TNFSF4: variants seen among roughly 807,000 people sequenced by gnomAD.
TNFSF4 encodes the protein tumor necrosis factor ligand superfamily member 4.
In TNFSF4, 4 loss-of-function variants were observed where a neutral mutation model predicts 7.3. That is an observed-to-expected ratio of 0.55 (90% CI 0.27 to 1.25). The LOEUF is 1.25. TNFSF4 is among the 50% of genes most tolerant of loss of function. The pLI is 0.12. For missense variants in TNFSF4, 181 were observed against 208.8 expected (o/e 0.87, Z 0.82); for synonymous variants, 76 against 83.7 (o/e 0.91, Z 0.50).
At chr1:173,230,273 A>G in the TNFSF4 span, among the ~76,000 whole-genome samples, 5 of 152,232 alleles carry the variant, frequency 3.3e-5, no homozygotes, top group Non-Finnish European at 7.3e-5. Flanking sequence ...GGATTAAGAA[A>G]CTCACTCAAA....
the TNFSF4 span, among the ~76,000 whole-genome samples, chr1:173,243,607 C>A: frequency 3.3e-5 from 5 of 152,212 alleles, no homozygotes; most frequent in African/African-American, 1.2e-4. Flanking sequence ...CATGAAAAAG[C>A]TAGTCACAAC....
the TNFSF4 span, among the ~76,000 whole-genome samples, chr1:173,360,178 GT>G: frequency 6.6e-6 from 1 of 152,174 alleles, no homozygotes; most frequent in African/African-American, 2.4e-5. Flanking sequence ...CATCTCCTTT[GT>G]TTGGATGCTT....
At chr1:173,339,139 C>A in the TNFSF4 span, among the ~76,000 whole-genome samples, 2 of 152,102 alleles carry the variant, frequency 1.3e-5, no homozygotes, top group African/African-American at 2.4e-5. Flanking sequence ...CGCTTGTAAT[C>A]CCAACACTTC....
chr1:173,292,912 T>C, the TNFSF4 span, among the ~76,000 whole-genome samples: 14,426 of 151,638 alleles, frequency 0.095, 804 homozygotes, highest in Middle Eastern at 0.12. Context: ...AAAAATAAAA[T>C]ACCAAGAAAT....
the TNFSF4 span, among the ~76,000 whole-genome samples, chr1:173,339,478 A>T: frequency 6.6e-6 from 1 of 152,198 alleles, no homozygotes; most frequent in Non-Finnish European, 1.5e-5. Context: ...TGACAATGTG[A>T]TGTTACAGAA....
the TNFSF4 span, chr1:173,363,628 G>C: frequency 1.7e-5 from 7 of 406,998 alleles, no homozygotes; most frequent in East Asian, 4.1e-4. Context: ...AGGCTTATCG[G>C]ATGGATGTAC....
the TNFSF4 span, among the ~76,000 whole-genome samples, chr1:173,382,898 AC>A: frequency 5.9e-5 from 9 of 151,784 alleles, no homozygotes; most frequent in Admixed American, 1.3e-4. Flanking sequence ...ACACACACAC[AC>A]ACACACACAC....
At chr1:173,214,240 T>A in the TNFSF4 span, among the ~76,000 whole-genome samples, 1 of 152,190 alleles carries the variant, frequency 6.6e-6, no homozygotes. Flanking sequence ...CTTAGAGAGA[T>A]GAACTAACTT....
At position 173,185,241 on chromosome 1, in the gene TNFSF4, A is replaced by G. The variant is rs1436203197; in HGVS notation, c.*1275T>C. 1.3e-5 allele frequency: 2 copies of G among 152,246 alleles called. No homozygotes were observed. The highest frequency in any genetic ancestry group is 2.9e-5 in the Non-Finnish European group (2 of 68,046). The allele number at this position is 152,246 out of a possible 1,614,324, so 9.4% of individuals were successfully genotyped here. On this transcript the variant is annotated 3_prime_UTR_variant, in exon 3 of 3. Coordinates refer to ENST00000281834, the MANE Select transcript of TNFSF4 (RefSeq NM_003326.5). ...TTTATGTTTATAAAAGGTTTGGCAC[A>G]GAGAAGTTACAAATCATCTGGAAAG...
At chr1:173,331,960 T>C in the TNFSF4 span, among the ~76,000 whole-genome samples, 1 of 152,202 alleles carries the variant, frequency 6.6e-6, no homozygotes, top group Non-Finnish European at 1.5e-5. Context: ...GTGCAGGTGC[T>C]ACTTGGCATC....
At chr1:173,346,158 C>T in the TNFSF4 span, among the ~76,000 whole-genome samples, 1 of 152,190 alleles carries the variant, frequency 6.6e-6, no homozygotes, top group Non-Finnish European at 1.5e-5. Context: ...ATGATTCGCT[C>T]ATCCCCACCC....
the TNFSF4 span, among the ~76,000 whole-genome samples, chr1:173,238,370 G>A: frequency 6.6e-6 from 1 of 152,120 alleles, no homozygotes; most frequent in East Asian, 1.9e-4. Context: ...AATGCCAAAA[G>A]CAATTGCAAT....
At chr1:173,243,704 G>C in the TNFSF4 span, among the ~76,000 whole-genome samples, 2 of 152,106 alleles carry the variant, frequency 1.3e-5, no homozygotes, top group East Asian at 3.8e-4. Context: ...CATGCCTACT[G>C]ATCAACACAC....
chr1:173,300,137 A>T, the TNFSF4 span, among the ~76,000 whole-genome samples: 1 of 141,196 alleles, frequency 7.1e-6, no homozygotes, highest in African/African-American at 2.6e-5. Context: ...ATAGATAGAT[A>T]GATAATAAAT....
chr1:173,322,986 C>T, the TNFSF4 span, among the ~76,000 whole-genome samples: 1 of 152,208 alleles, frequency 6.6e-6, no homozygotes, highest in African/African-American at 2.4e-5. Context: ...CAACAGGCAG[C>T]AGAATCCTCT....
At chr1:173,316,834 G>C in the TNFSF4 span, among the ~76,000 whole-genome samples, 1 of 151,994 alleles carries the variant, frequency 6.6e-6, no homozygotes, top group South Asian at 2.1e-4. Context: ...CTAGACAAAA[G>C]AAATTTTTAC....
the TNFSF4 span, among the ~76,000 whole-genome samples, chr1:173,406,491 G>A: frequency 6.6e-6 from 1 of 151,986 alleles, no homozygotes; most frequent in Non-Finnish European, 1.5e-5. Context: ...TAACTTCCAT[G>A]AGTCCTAGGC....
intron 1 of TNFSF4, among the ~76,000 whole-genome samples, chr1:173,200,503 T>C (rs562704070): frequency 4.6e-5 from 7 of 152,346 alleles, no homozygotes; most frequent in Non-Finnish European, 8.8e-5. Flanking sequence ...TTAATATGCA[T>C]GGGGGTCTTA....
the TNFSF4 span, among the ~76,000 whole-genome samples, chr1:173,374,721 G>A: frequency 3.3e-5 from 5 of 152,110 alleles, no homozygotes; most frequent in Non-Finnish European, 5.9e-5. Context: ...ACATTATTAA[G>A]CAGCACACTA....
Sources: allele counts gnomAD v4.1 joint callset (sites outside exome capture counted in the v4.1 genomes callset), GRCh38; gene constraint gnomAD v4.1.1; transcripts MANE v1.5; gene names NCBI Gene and HGNC (gene_info 2026-07-23, HGNC 2026-07-21).